The following GALNTL6 variants were observed in gnomAD, a reference collection of about 807,000 sequenced individuals.
The protein encoded by GALNTL6 is polypeptide N-acetylgalactosaminyltransferase-like 6.
In GALNTL6, 46 loss-of-function variants were observed where a neutral mutation model predicts 73.7. The observed-to-expected ratio is 0.62, with a 90% CI of 0.49 to 0.80. The LOEUF (loss-of-function observed/expected upper bound fraction) is 0.80. GALNTL6 is among the 30% of genes least tolerant of loss of function. GALNTL6 has a pLI of 0.00. For missense variants in GALNTL6, 604 were observed against 755.0 expected (o/e 0.80, Z 2.34); for synonymous variants, 259 against 263.7 (o/e 0.98, Z 0.17).
chr4:171,980,262 T>C (rs1225297996), intron 2 of GALNTL6, among the ~76,000 whole-genome samples: 1 of 152,158 alleles, frequency 6.6e-6, no homozygotes, highest in Non-Finnish European at 1.5e-5. Context: ...ACTGGTAGAA[T>C]AACTAGTAGG....
intron 7 of GALNTL6, among the ~76,000 whole-genome samples, chr4:172,858,472 C>T (rs1744224866): frequency 6.6e-6 from 1 of 152,060 alleles, no homozygotes; most frequent in Non-Finnish European, 1.5e-5. Flanking sequence ...ATCATTTGAG[C>T]AGAAACCTGA....
intron 5 of GALNTL6, among the ~76,000 whole-genome samples, chr4:172,779,107 T>C (rs1739236855): frequency 6.6e-6 from 1 of 152,178 alleles, no homozygotes; most frequent in African/African-American, 2.4e-5. Flanking sequence ...TTCACTGCTG[T>C]ATATACCCAG....
intron 2 of GALNTL6, chr4:172,052,530 A>G (rs1449993895): frequency 5.9e-6 from 9 of 1,531,428 alleles, no homozygotes; most frequent in Non-Finnish European, 7.9e-6. Flanking sequence ...CTGGTTTACC[A>G]GGTAACCGGT....
intron 5 of GALNTL6, among the ~76,000 whole-genome samples, chr4:172,359,527 T>C (rs1742290009): frequency 6.6e-6 from 1 of 152,092 alleles, no homozygotes; most frequent in Non-Finnish European, 1.5e-5. Context: ...ATGACATCAG[T>C]GTTTTTTTAA....
intron 5 of GALNTL6, among the ~76,000 whole-genome samples, chr4:172,447,773 A>T (rs1732077395): frequency 6.6e-6 from 1 of 152,146 alleles, no homozygotes; most frequent in South Asian, 2.1e-4. Flanking sequence ...TGTGGGTCAG[A>T]GCCTACACTT....
At chr4:172,482,499 C>G (rs2111485932) in intron 5 of GALNTL6, among the ~76,000 whole-genome samples, 1 of 152,358 alleles carries the variant, frequency 6.6e-6, no homozygotes, top group Non-Finnish European at 1.5e-5. Flanking sequence ...TAATGTCATA[C>G]TGCAAAGGGC....
intron 2 of GALNTL6, among the ~76,000 whole-genome samples, chr4:171,927,208 T>C (rs1194512204): frequency 6.6e-6 from 1 of 152,266 alleles, no homozygotes; most frequent in Non-Finnish European, 1.5e-5. Context: ...AAATATACAT[T>C]TATAATAAGG....
intron 7 of GALNTL6, among the ~76,000 whole-genome samples, chr4:172,848,276 AC>A (rs1247434523): frequency 6.6e-6 from 1 of 152,080 alleles, no homozygotes; most frequent in Non-Finnish European, 1.5e-5. Context: ...CCTAGGGTAG[AC>A]TCATCTAAGC....
intron 9 of GALNTL6, among the ~76,000 whole-genome samples, chr4:172,944,617 G>A (rs756535911): frequency 6.6e-5 from 10 of 152,146 alleles, no homozygotes; most frequent in Non-Finnish European, 1.0e-4. Flanking sequence ...TTTTATCCAG[G>A]AGAAATGAAG....
intron 2 of GALNTL6, among the ~76,000 whole-genome samples, chr4:172,077,751 CA>C (rs1171411799): frequency 6.6e-6 from 1 of 152,046 alleles, no homozygotes; most frequent in East Asian, 1.9e-4. Context: ...TAGAAATTTG[CA>C]TAAGTAAAGA....
chr4:172,002,513 T>G (rs1740709968), intron 2 of GALNTL6, among the ~76,000 whole-genome samples: 1 of 152,154 alleles, frequency 6.6e-6, no homozygotes, highest in African/African-American at 2.4e-5. Flanking sequence ...TGATATTTTG[T>G]TATAGCAGTC....
chr4:172,037,765 A>G (rs1376574472), intron 2 of GALNTL6, among the ~76,000 whole-genome samples: 1 of 152,170 alleles, frequency 6.6e-6, no homozygotes, highest in Non-Finnish European at 1.5e-5. Flanking sequence ...ATTACTGCCC[A>G]TTCAATTCTC....
chr4:172,703,814 A>T (rs1319807587), intron 5 of GALNTL6, among the ~76,000 whole-genome samples: 5 of 151,984 alleles, frequency 3.3e-5, no homozygotes, highest in Non-Finnish European at 7.4e-5. Context: ...CAGTGAAGCC[A>T]TTCAGTCCTG....
chr4:172,731,546 A>G (rs1300300010), intron 5 of GALNTL6, among the ~76,000 whole-genome samples: 1 of 151,742 alleles, frequency 6.6e-6, no homozygotes, highest in Non-Finnish European at 1.5e-5. Context: ...AATTTCATTT[A>G]TTTCTGCTCT....
chr4:172,073,872 A>G (rs1329555720), intron 2 of GALNTL6, among the ~76,000 whole-genome samples: 1 of 152,208 alleles, frequency 6.6e-6, no homozygotes, highest in Non-Finnish European at 1.5e-5. Context: ...TGTAAGTCAA[A>G]GCAATTGACT....
chr4:172,746,732 G>A (rs1157151377), intron 5 of GALNTL6, among the ~76,000 whole-genome samples: 1 of 152,062 alleles, frequency 6.6e-6, no homozygotes, highest in East Asian at 1.9e-4. Context: ...CAAACCCACA[G>A]CTAACATCAT....
At chr4:172,365,496 T>G (rs549643761) in intron 5 of GALNTL6, among the ~76,000 whole-genome samples, 14 of 152,238 alleles carry the variant, frequency 9.2e-5, no homozygotes, top group African/African-American at 3.4e-4. Flanking sequence ...TCCTGCTCTG[T>G]CAGGATGCTT....
intron 2 of GALNTL6, among the ~76,000 whole-genome samples, chr4:171,981,169 T>G (rs1739886933): frequency 6.6e-6 from 1 of 152,204 alleles, no homozygotes; most frequent in Admixed American, 6.5e-5. Context: ...CATGAAACAA[T>G]AATAAATATG....
chr4:172,344,918 A>G (rs1020865801), intron 4 of GALNTL6, among the ~76,000 whole-genome samples: 4 of 152,168 alleles, frequency 2.6e-5, no homozygotes, highest in Non-Finnish European at 5.9e-5. Context: ...TGTCTTTCCT[A>G]GTTCCACGTC....
Sources: allele counts gnomAD v4.1 joint callset (sites outside exome capture counted in the v4.1 genomes callset), GRCh38; gene constraint gnomAD v4.1.1; transcripts MANE v1.5; gene names NCBI Gene and HGNC (gene_info 2026-07-23, HGNC 2026-07-21).